The following FER variants were observed in gnomAD, a reference collection of about 807,000 sequenced individuals.
FER encodes the protein FER tyrosine kinase.
FER carries 63 observed loss-of-function variants against 111.0 expected under a neutral mutation model. That is an observed-to-expected ratio of 0.57 (90% CI 0.46 to 0.70). The LOEUF (loss-of-function observed/expected upper bound fraction) is 0.70. Among genes scored for constraint, FER ranks in the 30% least tolerant of loss-of-function variants. FER has a pLI of 0.00. For missense variants in FER, 914 were observed against 954.0 expected, an observed-to-expected ratio of 0.96 and a Z score of 0.55; for synonymous variants, 327 against 313.9, an observed-to-expected ratio of 1.04 and a Z score of -0.44.
At chr5:108,748,294 CT>C in intron 1 of FER, 1 of 152,432 alleles carries the variant, frequency 6.6e-6, no homozygotes, top group Non-Finnish European at 1.5e-5. Flanking sequence ...CCTCGCGGCC[CT>C]AAAGCAGCTT....
At chr5:108,783,499 T>A (rs1008955869) in intron 2 of FER, among the ~76,000 whole-genome samples, 14 of 152,332 alleles carry the variant, frequency 9.2e-5, no homozygotes, top group African/African-American at 3.4e-4. Context: ...TTTTTCTTGG[T>A]TCTTGGTGTG....
At chr5:108,800,064 A>T (rs113540902) in intron 3 of FER, among the ~76,000 whole-genome samples, 86 of 151,798 alleles carry the variant, frequency 5.7e-4, no homozygotes, top group African/African-American at 1.6e-3. Context: ...GCTGGTCTTG[A>T]ACTCCTGACC....
chr5:108,997,795 G>A (rs1009135452), intron 13 of FER, among the ~76,000 whole-genome samples: 5 of 152,146 alleles, frequency 3.3e-5, no homozygotes, highest in African/African-American at 9.7e-5. Context: ...GTTCCTGACT[G>A]TGGCTGCTGC....
intron 2 of FER, among the ~76,000 whole-genome samples, chr5:108,778,623 T>A: frequency 6.6e-6 from 1 of 152,240 alleles, no homozygotes; most frequent in Non-Finnish European, 1.5e-5. Flanking sequence ...TCTGTCCGTG[T>A]ATATTATTTG....
intron 17 of FER, among the ~76,000 whole-genome samples, chr5:109,118,355 C>T (rs887243905): frequency 6.6e-6 from 1 of 152,118 alleles, no homozygotes. Flanking sequence ...AGGGATGAAG[C>T]CCACTTGATC....
rs1295047412 is a variant in FER, at chr5:108,883,516, T to G, written c.1044T>G (p.Ser348=). 4 of 1,592,914 alleles carry G rather than the reference T, an allele frequency of 2.5e-6. No homozygotes were observed. Among genetic ancestry groups the G allele is most frequent in the Non-Finnish European group, 3.4e-6 (4 of 1,170,310 alleles). ...CTTCTGAAACTTGTGAGAAGAAGTCTGAGTGAGTAAAAGAGAAACAATTTG... is the reference window on the plus strand; with the variant it reads ...CTTCTGAAACTTGTGAGAAGAAGTCGGAGTGAGTAAAAGAGAAACAATTTG... The part of the protein sequence containing the change: ...EESSETCEKK[S]DIVLLLSQKQ... Residue 348 remains serine, a splice_region_variant and synonymous_variant, in exon 9 of 20, where the codon TCT becomes TCG. Transcript: ENST00000281092.
At position 109,139,505 on chromosome 5, in the gene FER, T is replaced by C. The variant is rs1318509989; in HGVS notation, c.2048+38986T>C. 2.0e-5 allele frequency among the ~76,000 whole-genome samples: 3 copies of C among 152,130 alleles called. No individual in the cohort carries two copies. The East Asian group carries it at 5.8e-4, about 29-fold the overall frequency. On this transcript the variant is annotated intron_variant, in intron 17 of 19. Transcript: ENST00000281092. Reference sequence around the variant, plus strand: ...ATAACCTAGGGACATTGCTAAAAGATAGCAGTTTTTAAGAAAAAATGCTAA... The same window carrying C: ...ATAACCTAGGGACATTGCTAAAAGACAGCAGTTTTTAAGAAAAAATGCTAA...
intron 3 of FER, among the ~76,000 whole-genome samples, chr5:108,825,248 T>A (rs1431012672): frequency 6.6e-6 from 1 of 152,178 alleles, no homozygotes; most frequent in Non-Finnish European, 1.5e-5. Context: ...GGGAGCGCTA[T>A]GGGAGACTGG....
chr5:109,041,448 A>G (rs1392974585), intron 14 of FER, among the ~76,000 whole-genome samples: 2 of 147,166 alleles, frequency 1.4e-5, no homozygotes, highest in Non-Finnish European at 3.1e-5. Context: ...TGAAGTCTGG[A>G]TAAGTATTCA....
intron 4 of FER, among the ~76,000 whole-genome samples, chr5:108,835,104 T>A (rs1020730886): frequency 6.6e-6 from 1 of 150,592 alleles, no homozygotes; most frequent in African/African-American, 2.5e-5. Context: ...GTTTGTTTAA[T>A]TACAGAAAAT....
At position 109,172,105 on chromosome 5, in the gene FER, A is replaced by C. The variant is rs543860447; in HGVS notation, c.2049-8642A>C. On this transcript the variant is annotated intron_variant, in intron 17 of 19. Transcript: ENST00000281092. ...TCCTCAGGGATCTAGAACTAGAAAT[A>C]CCATTTGACCCAGCCATCCCATTAC... Among the ~76,000 whole-genome samples the C allele has an allele frequency of 3.3e-5, 5 of 152,216 alleles. No individual in the cohort carries two copies. The South Asian group carries it at 1.0e-3, about 32-fold the overall frequency.
intron 17 of FER, among the ~76,000 whole-genome samples, chr5:109,124,541 T>G (rs2126524580): frequency 6.6e-6 from 1 of 152,218 alleles, no homozygotes; most frequent in South Asian, 2.1e-4. Context: ...TCTGCCAGCT[T>G]TATAATTGTT....
chr5:109,038,060 T>C (rs1014500095), intron 14 of FER, among the ~76,000 whole-genome samples: 2 of 151,880 alleles, frequency 1.3e-5, no homozygotes, highest in African/African-American at 2.4e-5. Context: ...TTTCTTCCAA[T>C]GTAGTTGGAA....
intron 16 of FER, among the ~76,000 whole-genome samples, chr5:109,053,404 T>G (rs891225274): frequency 1.4e-5 from 2 of 138,148 alleles, no homozygotes; most frequent in African/African-American, 2.7e-5. Context: ...AAAAAAAAAG[T>G]AATGGAGGCT....
intron 13 of FER, among the ~76,000 whole-genome samples, chr5:108,962,268 G>T (rs2149675115): frequency 1.3e-5 from 2 of 152,250 alleles, no homozygotes; most frequent in South Asian, 2.1e-4. Context: ...TTTTTGTAAA[G>T]AGGGGTTATT....
intron 17 of FER, among the ~76,000 whole-genome samples, chr5:109,154,879 A>G (rs998600845): frequency 1.3e-5 from 2 of 151,908 alleles, no homozygotes; most frequent in Non-Finnish European, 2.9e-5. Flanking sequence ...AATAAATACT[A>G]CATCTCAGTG....
intron 13 of FER, among the ~76,000 whole-genome samples, chr5:109,018,817 C>T (rs1561781535): frequency 6.6e-6 from 1 of 151,614 alleles, no homozygotes; most frequent in Non-Finnish European, 1.5e-5. Context: ...AGTTGGATTT[C>T]ACCCACATCG....
At chr5:108,873,049 A>G (rs181331526) in intron 8 of FER, among the ~76,000 whole-genome samples, 4,769 of 152,108 alleles carry the variant, frequency 0.031, 97 homozygotes, top group Non-Finnish European at 0.047. Context: ...TCTATTGTTC[A>G]GTAACATGGT....
intron 16 of FER, among the ~76,000 whole-genome samples, chr5:109,086,974 T>A (rs1428718203): frequency 6.0e-5 from 9 of 148,764 alleles, no homozygotes; most frequent in Admixed American, 1.4e-4. Context: ...TCTCCTCCTC[T>A]TATAAGGATA....
Sources: allele counts gnomAD v4.1 joint callset (sites outside exome capture counted in the v4.1 genomes callset), GRCh38; gene constraint gnomAD v4.1.1; transcripts MANE v1.5; gene names NCBI Gene and HGNC (gene_info 2026-07-23, HGNC 2026-07-21).